Variants in MGAT4C observed in about 807,000 individuals in gnomAD.
MGAT4C encodes alpha-1,3-mannosyl-glycoprotein 4-beta-N-acetylglucosaminyltransferase C.
Under a neutral mutation model 40.1 loss-of-function variants are expected in MGAT4C, and 19 were observed. The ratio of observed to expected loss-of-function variants is 0.47; its 90% CI spans 0.33 to 0.70. The LOEUF is 0.70. MGAT4C is among the 30% of genes least tolerant of loss of function. MGAT4C has a pLI of 0.02. For synonymous variants in MGAT4C, 181 were observed against 187.1 expected (o/e 0.97, Z 0.27); for missense variants, 491 against 563.2 (o/e 0.87, Z 1.30).
At chr12:86,499,498 C>A (rs1331569940) in intron 2 of MGAT4C, among the ~76,000 whole-genome samples, 1 of 151,752 alleles carries the variant, frequency 6.6e-6, no homozygotes, top group African/African-American at 2.4e-5. Flanking sequence ...AAAAACCTCT[C>A]TTTGGCTTAA....
intron 3 of MGAT4C, among the ~76,000 whole-genome samples, chr12:86,431,668 C>A (rs1367623646): frequency 6.6e-6 from 1 of 152,152 alleles, no homozygotes; most frequent in East Asian, 1.9e-4. Flanking sequence ...AATTATCTGG[C>A]AACACAGTAT....
intron 2 of MGAT4C, among the ~76,000 whole-genome samples, chr12:86,506,403 G>T (rs1268512170): frequency 6.6e-6 from 1 of 152,192 alleles, no homozygotes; most frequent in Non-Finnish European, 1.5e-5. Context: ...TATTGGCAGA[G>T]ATTGGGAATT....
chr12:86,004,305 T>G (rs887739637), intron 2 of MGAT4C, among the ~76,000 whole-genome samples: 1 of 152,168 alleles, frequency 6.6e-6, no homozygotes, highest in Non-Finnish European at 1.5e-5. Context: ...TAGAAATTTA[T>G]CAATATCCCT....
chr12:86,703,703 A>G (rs1008688670), intron 2 of MGAT4C, among the ~76,000 whole-genome samples: 1 of 152,192 alleles, frequency 6.6e-6, no homozygotes, highest in Non-Finnish European at 1.5e-5. Flanking sequence ...CTTTATTGTG[A>G]TATTCACTTT....
chr12:86,061,256 G>A (rs1194008074), intron 1 of MGAT4C, among the ~76,000 whole-genome samples: 1 of 152,276 alleles, frequency 6.6e-6, no homozygotes, highest in Middle Eastern at 3.4e-3. Flanking sequence ...AGTGCAAGGG[G>A]TTGGGGAATT....
chr12:86,715,356 G>C (rs1950627050), intron 2 of MGAT4C, among the ~76,000 whole-genome samples: 1 of 152,138 alleles, frequency 6.6e-6, no homozygotes, highest in Non-Finnish European at 1.5e-5. Flanking sequence ...TGGAGAGGGA[G>C]TGGCAGTAGC....
rs1313194594 is a variant in MGAT4C, at chr12:85,975,003, T to C, written c.*4286A>G. ...TTAAGGTAGATTCTAAACAACATCTTAGAAACTAGGAAATGACTTTATGTT... is the reference window on the plus strand; with the variant it reads ...TTAAGGTAGATTCTAAACAACATCTCAGAAACTAGGAAATGACTTTATGTT... On this transcript the variant is annotated 3_prime_UTR_variant, in exon 5 of 5. Transcript: ENST00000611864. The C allele has an allele frequency of 1.3e-5, 2 of 150,808 alleles. No homozygotes were observed. Among genetic ancestry groups the C allele is most frequent in the Non-Finnish European group, 3.0e-5 (2 of 67,078 alleles). The allele number at this position is 150,808 out of a possible 1,614,324, so 9.3% of individuals were successfully genotyped here. A position where few individuals can be genotyped will look rare whatever the true frequency, so the allele number is the denominator to read the frequency against.
chr12:86,624,426 TACAA>T (rs1318344143), intron 2 of MGAT4C, among the ~76,000 whole-genome samples: 1 of 152,120 alleles, frequency 6.6e-6, no homozygotes, highest in Non-Finnish European at 1.5e-5. Context: ...TGCCCCAACA[TACAA>T]ACAGAGACCC....
chr12:86,059,423 C>G (rs568640401), intron 1 of MGAT4C, among the ~76,000 whole-genome samples: 1 of 152,164 alleles, frequency 6.6e-6, no homozygotes. Flanking sequence ...ATTATCCCTT[C>G]GTTGTTTTCT....
chr12:86,637,234 A>T (rs1376112826), intron 2 of MGAT4C, among the ~76,000 whole-genome samples: 1 of 152,008 alleles, frequency 6.6e-6, no homozygotes, highest in African/African-American at 2.4e-5. Flanking sequence ...TTGAACATAA[A>T]TATTTGTTCA....
At chr12:86,395,310 G>T (rs1183913209) in intron 3 of MGAT4C, among the ~76,000 whole-genome samples, 3 of 151,982 alleles carry the variant, frequency 2.0e-5, no homozygotes, top group South Asian at 4.1e-4. Context: ...TATTTTGAAA[G>T]AATATTTTTA....
At chr12:86,086,978 C>T (rs916375069) in intron 1 of MGAT4C, among the ~76,000 whole-genome samples, 2 of 152,064 alleles carry the variant, frequency 1.3e-5, no homozygotes, top group Non-Finnish European at 2.9e-5. Context: ...CAGTTTCATC[C>T]ATGTCGTTGT....
In MGAT4C at chr12:86,295,010, T is replaced by C. The variant is rs527687274; in HGVS notation, c.-57+39055A>G. Among the ~76,000 whole-genome samples the C allele has an allele frequency of 1.2e-4, 19 of 152,336 alleles. 1 individual carries two copies. The highest frequency in any genetic ancestry group is 8.3e-4 in the South Asian group (4 of 4,826). ...TCCAAAATTTCTCAGTTCATCTTTC[T>C]GACTTCCAATCAAGTCATCACAATT... On this transcript the variant is annotated intron_variant, in intron 4 of 7. Transcript: ENST00000548651.
At chr12:86,388,675 G>GTTTTTTTTT (rs752469980) in intron 3 of MGAT4C, among the ~76,000 whole-genome samples, 41 of 98,686 alleles carry the variant, frequency 4.2e-4, no homozygotes, top group African/African-American at 9.2e-4. Flanking sequence ...AGCGTTTTTT[G>GTTTTTTTTT]TTTTTTTTTT....
chr12:86,117,315 G>C (rs1252213930), intron 1 of MGAT4C, among the ~76,000 whole-genome samples: 1 of 152,168 alleles, frequency 6.6e-6, no homozygotes, highest in East Asian at 1.9e-4. Context: ...ATGTGAGAGT[G>C]TATCAGGGAT....
At chr12:86,132,939 T>A (rs946942484) in intron 1 of MGAT4C, among the ~76,000 whole-genome samples, 3 of 152,140 alleles carry the variant, frequency 2.0e-5, no homozygotes, top group Non-Finnish European at 4.4e-5. Context: ...TTTTTCATCA[T>A]ATTGATGGAT....
intron 2 of MGAT4C, among the ~76,000 whole-genome samples, chr12:86,503,652 A>T (rs1592927101): frequency 7.3e-5 from 1 of 13,618 alleles, no homozygotes; most frequent in Non-Finnish European, 1.1e-4. Flanking sequence ...TATATATATG[A>T]GTTCTGCTCA....
intron 4 of MGAT4C, among the ~76,000 whole-genome samples, chr12:86,307,003 CAT>C (rs904507339): frequency 6.6e-6 from 1 of 150,440 alleles, no homozygotes; most frequent in African/African-American, 2.5e-5. Context: ...CTTACACACA[CAT>C]ATGCAGAAAT....
chr12:86,162,171 T>C (rs1202957469), intron 1 of MGAT4C, among the ~76,000 whole-genome samples: 1 of 152,104 alleles, frequency 6.6e-6, no homozygotes, highest in Admixed American at 6.6e-5. Flanking sequence ...AATAAATCAT[T>C]CTACCAAAAA....
Sources: gnomAD v4.1 joint callset for allele counts (sites outside exome capture counted in the v4.1 genomes callset) on GRCh38, gnomAD v4.1.1 for gene constraint, MANE v1.5 for transcripts, NCBI Gene and HGNC (gene_info 2026-07-23, HGNC 2026-07-21) for gene names.